The following DTWD2 variants were observed in gnomAD, a reference collection of about 807,000 sequenced individuals.
The protein encoded by DTWD2 is tRNA-uridine aminocarboxypropyltransferase 2.
A neutral mutation model predicts 31.8 loss-of-function variants in DTWD2; 39 were observed. The observed-to-expected ratio is 1.22, with a 90% confidence interval of 0.95 to 1.60. The LOEUF (loss-of-function observed/expected upper bound fraction) is 1.60. Ranked by LOEUF, DTWD2 falls within the 40% of genes most tolerant of loss-of-function variation. The pLI, the probability that DTWD2 is intolerant of heterozygous loss-of-function variation, is 0.00. For missense variants in DTWD2, 515 were observed against 381.5 expected, an observed-to-expected ratio of 1.35 and a Z score of -2.92; for synonymous variants, 180 against 142.8, an observed-to-expected ratio of 1.26 and a Z score of -1.86.
At chr5:118,928,770 AG>A in intron 3 of DTWD2, 41 bp from the exon 4 acceptor site, 3 of 1,437,356 alleles carry the variant, frequency 2.1e-6, no homozygotes, top group Non-Finnish European at 2.8e-6. Context: ...TTAGCTTGTG[AG>A]GAAAAAAGGT....
chr5:118,908,019 C>A (rs1371524080), intron 4 of DTWD2, among the ~76,000 whole-genome samples: 1 of 152,136 alleles, frequency 6.6e-6, no homozygotes, highest in Non-Finnish European at 1.5e-5. Flanking sequence ...TAAAACTAAC[C>A]ATCACTGGAC....
intron 4 of DTWD2, among the ~76,000 whole-genome samples, chr5:118,863,554 T>G (rs1752315004): frequency 6.6e-6 from 1 of 152,230 alleles, no homozygotes; most frequent in South Asian, 2.1e-4. Context: ...TTTCTGTGGG[T>G]GAGTAATGTG....
At position 118,939,203 on chromosome 5, in the gene DTWD2, C is replaced by T; in HGVS notation, c.397G>A (p.Glu133Lys). ...CCCTAACAGTTAATTTACCTTTCTT[C>T]ACTGAAGCGACGACCGATCTTCACT... is the stretch of plus-strand genomic sequence containing the variant. Reference protein sequence around the residue: ...CKVKIGRRFSEERDPELSTVC... With the variant: ...CKVKIGRRFSKERDPELSTVC... Residue 133 changes from glutamate (E) to lysine (K), a missense_variant, in exon 3 of 6, where the codon GAA (glutamate) becomes AAA (lysine). Coordinates refer to ENST00000510708, the MANE Select transcript of DTWD2 (RefSeq NM_173666.4). 1 of 1,602,700 alleles carries T rather than the reference C, an allele frequency of 6.2e-7. No homozygotes were observed. Among genetic ancestry groups the T allele is most frequent in the Non-Finnish European group, 8.5e-7 (1 of 1,174,298 alleles).
chr5:118,842,428 A>G lies in DTWD2; in HGVS notation c.727-1341T>C, dbSNP rs1260884025. 2.6e-5 allele frequency among the ~76,000 whole-genome samples: 4 copies of G among 152,216 alleles called. 1 individual carries two copies. Among genetic ancestry groups the G allele is most frequent in the Admixed American group, 2.6e-4 (4 of 15,282 alleles). On this transcript the variant is annotated intron_variant, in intron 5 of 5. Coordinates refer to ENST00000510708, the MANE Select transcript of DTWD2 (RefSeq NM_173666.4). Reference sequence around the variant, plus strand: ...GAAAATAACTGTTGAAGGTAGGACAAGCATCATGTGACTACTAGGCAACAA... The same window carrying G: ...GAAAATAACTGTTGAAGGTAGGACAGGCATCATGTGACTACTAGGCAACAA...
chr5:118,979,310 A>G (rs764904882), intron 1 of DTWD2, among the ~76,000 whole-genome samples: 2 of 152,088 alleles, frequency 1.3e-5, no homozygotes, highest in African/African-American at 2.4e-5. Flanking sequence ...TCCCCAAAAA[A>G]ATAAATAAAT....
chr5:118,882,869 A>T (rs1561439980), intron 4 of DTWD2, among the ~76,000 whole-genome samples: 1 of 152,236 alleles, frequency 6.6e-6, no homozygotes, highest in Non-Finnish European at 1.5e-5. Context: ...CCCTGGAGAC[A>T]CTTTCCCCAT....
chr5:118,940,174 T>G (rs2029036), intron 2 of DTWD2, among the ~76,000 whole-genome samples: 14,298 of 152,250 alleles, frequency 0.094, 742 homozygotes, highest in Middle Eastern at 0.19. Context: ...CAGTGGTTTC[T>G]TCAATGTCCT....
At chr5:118,888,034 C>A (rs983538603) in intron 4 of DTWD2, among the ~76,000 whole-genome samples, 2 of 150,844 alleles carry the variant, frequency 1.3e-5, no homozygotes, top group Non-Finnish European at 2.9e-5. Flanking sequence ...GGGGACTATT[C>A]CTGATCTCTT....
intron 4 of DTWD2, among the ~76,000 whole-genome samples, chr5:118,904,641 T>C (rs1283607685): frequency 6.6e-6 from 1 of 151,948 alleles, no homozygotes; most frequent in African/African-American, 2.4e-5. Flanking sequence ...TAGCAGCAAG[T>C]TAAGAAGCAA....
At chr5:118,882,997 C>T (rs1752776728) in intron 4 of DTWD2, among the ~76,000 whole-genome samples, 1 of 152,246 alleles carries the variant, frequency 6.6e-6, no homozygotes. Context: ...CGCAAATTTT[C>T]CAAACCTTTA....
intron 4 of DTWD2, among the ~76,000 whole-genome samples, chr5:118,907,568 TA>T (rs1390562441): frequency 6.6e-6 from 1 of 151,884 alleles, no homozygotes; most frequent in African/African-American, 2.4e-5. Flanking sequence ...CCATCTCTAC[TA>T]AAAATACAAA....
chr5:118,891,984 C>T (rs1752986362), intron 4 of DTWD2, among the ~76,000 whole-genome samples: 1 of 152,060 alleles, frequency 6.6e-6, no homozygotes, highest in South Asian at 2.1e-4. Flanking sequence ...AATTTTCTAA[C>T]AGCCATATTT....
At chr5:118,948,332 T>A (rs1188985325) in intron 1 of DTWD2, among the ~76,000 whole-genome samples, 2 of 151,168 alleles carry the variant, frequency 1.3e-5, no homozygotes, top group African/African-American at 2.4e-5. Context: ...AAAAAAAAAA[T>A]TAGCCGGGCA....
intron 4 of DTWD2, among the ~76,000 whole-genome samples, chr5:118,905,176 T>A (rs1049767107): frequency 3.3e-5 from 5 of 152,134 alleles, no homozygotes; most frequent in African/African-American, 1.2e-4. Flanking sequence ...ATTACCCACA[T>A]TTGATTTGTT....
chr5:118,936,789 CCAAA>C (rs781722950), intron 3 of DTWD2, among the ~76,000 whole-genome samples: 11 of 151,234 alleles, frequency 7.3e-5, no homozygotes, highest in African/African-American at 2.2e-4. Flanking sequence ...AATTAGAAAA[CCAAA>C]CAAAGAAAAA....
chr5:118,857,782 TC>T (rs1752172489), intron 4 of DTWD2, among the ~76,000 whole-genome samples: 1 of 152,114 alleles, frequency 6.6e-6, no homozygotes, highest in Admixed American at 6.6e-5. Context: ...GAGTGGAAAA[TC>T]TGATGATTCA....
At position 118,939,233 on chromosome 5, in the gene DTWD2, A is replaced by T; in HGVS notation, c.367T>A (p.Cys123Ser). 4 of 1,606,540 alleles carry T rather than the reference A, an allele frequency of 2.5e-6. No homozygotes were observed. The highest frequency in any genetic ancestry group is 3.4e-6 in the Non-Finnish European group (4 of 1,176,010). Residue 123 changes from cysteine to serine, a missense_variant, in exon 3 of 6, where the codon TGT (cysteine) becomes AGT (serine). Cys to Ser is a moderately radical substitution (Grantham distance 112, BLOSUM62 -1). Transcript: ENST00000510708. ...LLAACLPQDK[C>S]KVKIGRRFSE... is the part of the protein sequence containing the mutation. Reference sequence around the variant, plus strand: ...AAGCGACGACCGATCTTCACTTTACACTTGTCCTGGGGGAGGCATGCTGCT... The same window carrying T: ...AAGCGACGACCGATCTTCACTTTACTCTTGTCCTGGGGGAGGCATGCTGCT...
chr5:118,979,686 C>T (rs1755253477), intron 1 of DTWD2, among the ~76,000 whole-genome samples: 1 of 152,238 alleles, frequency 6.6e-6, no homozygotes, highest in African/African-American at 2.4e-5. Context: ...GGAATGAGAT[C>T]ATGTCCTTTG....
intron 1 of DTWD2, among the ~76,000 whole-genome samples, chr5:118,951,639 C>G (rs1754467245): frequency 6.6e-6 from 1 of 151,978 alleles, no homozygotes; most frequent in South Asian, 2.1e-4. Context: ...GGTTTTAGGT[C>G]AGGTGTGAGT....
Sources: gnomAD v4.1 joint callset for allele counts (sites outside exome capture counted in the v4.1 genomes callset) on GRCh38, gnomAD v4.1.1 for gene constraint, MANE v1.5 for transcripts, NCBI Gene and HGNC (gene_info 2026-07-23, HGNC 2026-07-21) for gene names.